HDHD2: variants seen among roughly 807,000 people sequenced by gnomAD.
The protein encoded by HDHD2 is haloacid dehalogenase like hydrolase domain containing 2, also known as haloacid dehalogenase-like hydrolase domain-containing protein 2.
Under a neutral mutation model 24.8 loss-of-function variants are expected in HDHD2, and 26 were observed. The ratio of observed to expected loss-of-function variants is 1.05; its 90% CI spans 0.77 to 1.45. The LOEUF is 1.45. Ranked by LOEUF, HDHD2 falls within the 40% of genes most tolerant of loss-of-function variation. HDHD2 has a pLI of 0.00. For missense variants in HDHD2, 299 were observed against 313.4 expected, an observed-to-expected ratio of 0.95 and a Z score of 0.35; for synonymous variants, 128 against 114.9, an observed-to-expected ratio of 1.11 and a Z score of -0.73.
chr18:47,111,095 A>C (rs1204820290), intron 6 of HDHD2: 1 of 985,302 alleles, frequency 1.0e-6, no homozygotes, highest in Non-Finnish European at 1.2e-6. Context: ...AGGGTTATTC[A>C]TGATTTTTCT....
chr18:47,130,472 T>C (rs2063703169), intron 3 of HDHD2, 144 bp from the exon 4 acceptor site: 2 of 589,892 alleles, frequency 3.4e-6, no homozygotes, highest in Non-Finnish European at 6.0e-6. Context: ...CCAGTGTACT[T>C]TGGAAGTATA....
At chr18:47,145,458 A>G (rs1386171467) in intron 1 of HDHD2, among the ~76,000 whole-genome samples, 1 of 152,240 alleles carries the variant, frequency 6.6e-6, no homozygotes, top group African/African-American at 2.4e-5. Context: ...AAAATACAGA[A>G]AAAGGTCCCA....
chr18:47,131,127 C>A (rs2063709705), intron 3 of HDHD2, among the ~76,000 whole-genome samples: 1 of 152,130 alleles, frequency 6.6e-6, no homozygotes, highest in Non-Finnish European at 1.5e-5. Context: ...CAGGCATGTG[C>A]CAACCACACC....
chr18:47,127,398 TA>T (rs1199430606), intron 4 of HDHD2, among the ~76,000 whole-genome samples: 4 of 152,212 alleles, frequency 2.6e-5, no homozygotes, highest in African/African-American at 9.6e-5. Context: ...GGCTATGTGC[TA>T]AAATGTTAAC....
At position 47,131,866 on chromosome 18, in the gene HDHD2, A is replaced by G. The variant is rs56401363; in HGVS notation, c.311-1538T>C. Among the ~76,000 whole-genome samples the G allele has an allele frequency of 2.2e-3, 329 of 152,320 alleles. 2 individuals are homozygous for G. The highest frequency in any genetic ancestry group is 7.6e-3 in the African/African-American group (314 of 41,584). ...ATGAATGAACAGGTCAAAATACTGTACTTTAAAGTCATTTGAAGTAATTCT... is the reference window on the plus strand; with the variant it reads ...ATGAATGAACAGGTCAAAATACTGTGCTTTAAAGTCATTTGAAGTAATTCT... On this transcript the variant is annotated intron_variant, in intron 3 of 6. Coordinates refer to ENST00000300605, the MANE Select transcript of HDHD2 (RefSeq NM_032124.5).
At chr18:47,132,564 T>G (rs770260148) in intron 3 of HDHD2, among the ~76,000 whole-genome samples, 9 of 152,248 alleles carry the variant, frequency 5.9e-5, no homozygotes, top group Non-Finnish European at 1.3e-4. Flanking sequence ...TTTAGTAAAT[T>G]TATTTTCTGT....
intron 1 of HDHD2, 130 bp from the exon 2 acceptor site, chr18:47,136,579 A>C (rs997976576): frequency 4.6e-6 from 3 of 647,382 alleles, no homozygotes; most frequent in Non-Finnish European, 7.0e-6. Context: ...TCCATTTTGG[A>C]GAAAACTGGT....
chr18:47,128,722 G>A (rs914730074), intron 4 of HDHD2, among the ~76,000 whole-genome samples: 10 of 152,172 alleles, frequency 6.6e-5, no homozygotes, highest in African/African-American at 2.4e-4. Context: ...AAGTAGTTGT[G>A]GTTTCCATTA....
intron 3 of HDHD2, among the ~76,000 whole-genome samples, chr18:47,130,856 C>G (rs1268226803): frequency 6.6e-6 from 1 of 152,198 alleles, no homozygotes; most frequent in Non-Finnish European, 1.5e-5. Context: ...AATGCCTTAT[C>G]TACTTTTAGT....
chr18:47,141,397 T>C (rs1324117940), intron 1 of HDHD2, among the ~76,000 whole-genome samples: 2 of 152,242 alleles, frequency 1.3e-5, no homozygotes, highest in Non-Finnish European at 2.9e-5. Context: ...TTATGATATT[T>C]GCCAGGTTTT....
At position 47,134,582 on chromosome 18, in the gene HDHD2, G is replaced by A; in HGVS notation, c.224C>T (p.Ser75Phe). ...TAGTAAACTTCTGGCTGCAGTCAGA[G>A]ATGTGAATATTTCATCTTCAGAGAT... ...FDISEDEIFT[S>F]LTAARSLLER... Residue 75 changes from serine (S) to phenylalanine (F), a missense_variant, in exon 3 of 7, where the codon TCT becomes TTT. Transcript: ENST00000300605. The A allele has an allele frequency of 1.2e-6, 2 of 1,613,944 alleles. No individual in the cohort carries two copies. Among genetic ancestry groups the A allele is most frequent in the Admixed American group, 1.7e-5 (1 of 60,028 alleles).
intron 6 of HDHD2, chr18:47,111,255 C>T (rs748800970): frequency 4.1e-6 from 4 of 985,002 alleles, no homozygotes; most frequent in Non-Finnish European, 4.8e-6. Context: ...AATAAAATGC[C>T]AGTCACAATA....
intron 1 of HDHD2, among the ~76,000 whole-genome samples, chr18:47,140,179 T>C (rs2063806823): frequency 6.6e-6 from 1 of 152,238 alleles, no homozygotes; most frequent in Non-Finnish European, 1.5e-5. Context: ...ATTTCTGAGA[T>C]TCAGCCACGT....
chr18:47,143,807 C>T (rs2063841343), intron 1 of HDHD2, among the ~76,000 whole-genome samples: 1 of 152,022 alleles, frequency 6.6e-6, no homozygotes, highest in Admixed American at 6.6e-5. Context: ...CAAATTGTAA[C>T]CAATAAAAAT....
chr18:47,128,185 GTAC>G (rs2144331401), intron 4 of HDHD2, among the ~76,000 whole-genome samples: 1 of 152,318 alleles, frequency 6.6e-6, no homozygotes, highest in African/African-American at 2.4e-5. Context: ...TTAGGAAAGT[GTAC>G]TAATTAGACA....
chr18:47,118,264 G>A (rs558771760), intron 4 of HDHD2, among the ~76,000 whole-genome samples: 1 of 152,090 alleles, frequency 6.6e-6, no homozygotes, highest in Admixed American at 6.6e-5. Flanking sequence ...TTACCCAAAG[G>A]AATATAGATC....
At chr18:47,131,057 A>G (rs938249893) in intron 3 of HDHD2, among the ~76,000 whole-genome samples, 6 of 151,892 alleles carry the variant, frequency 4.0e-5, no homozygotes, top group Non-Finnish European at 7.4e-5. Context: ...GCTCACCACA[A>G]CCTCCGCCTC....
intron 4 of HDHD2, among the ~76,000 whole-genome samples, chr18:47,116,382 T>C (rs766855919): frequency 1.3e-5 from 2 of 152,222 alleles, no homozygotes; most frequent in Non-Finnish European, 2.9e-5. Context: ...ATCTTACCCT[T>C]CACAATTATG....
At position 47,108,306 on chromosome 18, in the gene HDHD2, CCATT is replaced by C. The variant is rs1285097057; in HGVS notation, c.*372_*375del. 1 of 169,158 alleles carries C rather than the reference CCATT, an allele frequency of 5.9e-6. No individual in the cohort carries two copies. The highest frequency in any genetic ancestry group is 1.6e-4 in the East Asian group (1 of 6,138). 10.5% of individuals were successfully genotyped at this position (169,158 alleles called of 1,614,324 possible). On this transcript the variant is annotated 3_prime_UTR_variant, in exon 7 of 7. Transcript: ENST00000300605. ...ACATTACTTTATAATTTAAAAACCA[CCATT>C]CAACTTTCTTCACAGTCTGAAATCC...
Sources: allele counts gnomAD v4.1 joint callset (sites outside exome capture counted in the v4.1 genomes callset), GRCh38; gene constraint gnomAD v4.1.1; transcripts MANE v1.5; gene names NCBI Gene and HGNC (gene_info 2026-07-23, HGNC 2026-07-21).